Variants in FSHR observed in about 807,000 individuals in gnomAD.
FSHR encodes the protein follicle stimulating hormone receptor, also known as follicle-stimulating hormone receptor.
Under a neutral mutation model 52.1 loss-of-function variants are expected in FSHR, and 46 were observed. The ratio of observed to expected loss-of-function variants is 0.88; its 90% CI spans 0.70 to 1.13. The LOEUF (loss-of-function observed/expected upper bound fraction) is 1.13. FSHR is among the 50% of genes most tolerant of loss of function. The pLI is 0.00. For missense variants in FSHR, 964 were observed against 834.6 expected (o/e 1.16, Z -1.91); for synonymous variants, 399 against 309.6 (o/e 1.29, Z -3.03).
At chr2:49,018,882 C>T (rs1049396391) in intron 3 of FSHR, among the ~76,000 whole-genome samples, 4 of 152,148 alleles carry the variant, frequency 2.6e-5, no homozygotes, top group Admixed American at 6.5e-5. Flanking sequence ...TGTATCTGTT[C>T]CCTACTGATA....
chr2:49,127,915 C>T (rs577013206), intron 1 of FSHR, among the ~76,000 whole-genome samples: 45 of 81,302 alleles, frequency 5.5e-4, no homozygotes, highest in Admixed American at 1.0e-3. Context: ...TTTTTTGAGA[C>T]GGAGTCTTAC....
intron 1 of FSHR, among the ~76,000 whole-genome samples, chr2:49,090,875 G>T (rs1010341204): frequency 6.6e-6 from 1 of 152,036 alleles, no homozygotes; most frequent in Non-Finnish European, 1.5e-5. Flanking sequence ...CCTTAGTGCT[G>T]AGCATGTTTT....
chr2:49,089,890 C>T (rs901124661), intron 1 of FSHR, among the ~76,000 whole-genome samples: 2 of 152,112 alleles, frequency 1.3e-5, no homozygotes, highest in South Asian at 2.1e-4. Context: ...TTTCTAATCC[C>T]GAACTGTGTG....
intron 2 of FSHR, among the ~76,000 whole-genome samples, chr2:49,051,613 A>T (rs988589736): frequency 2.0e-5 from 3 of 151,894 alleles, no homozygotes; most frequent in African/African-American, 7.3e-5. Context: ...TGTATTGCAG[A>T]TATTTTCTCT....
At chr2:48,973,266 A>ACACACACACACGCACACG (rs146365090) in intron 8 of FSHR, among the ~76,000 whole-genome samples, 3 of 151,014 alleles carry the variant, frequency 2.0e-5, no homozygotes, top group African/African-American at 4.9e-5. Flanking sequence ...ACACACACAC[A>ACACACACACACGCACACG]CACATGCACA....
Position 49,079,167 on chromosome 2 carries a change from C to T in FSHR, c.153-10877G>A, listed in dbSNP as rs545607333. 1.4e-4 allele frequency among the ~76,000 whole-genome samples: 21 copies of T among 151,548 alleles called. No individual in the cohort carries two copies. In the South Asian group the frequency reaches 4.4e-3, roughly 32 times the overall value. On this transcript the variant is annotated intron_variant, in intron 1 of 9. Transcript: ENST00000406846. ...AGTTATACCATATCAAGAAATTAGT[C>T]TAAGAAAAAAACAGGCTCCAGGATT...
intron 2 of FSHR, among the ~76,000 whole-genome samples, chr2:49,044,188 C>G (rs1421536756): frequency 2.0e-5 from 3 of 152,114 alleles, no homozygotes; most frequent in African/African-American, 7.2e-5. Flanking sequence ...TTAGGAGCTA[C>G]TAGTAAGAAT....
intron 1 of FSHR, among the ~76,000 whole-genome samples, chr2:49,075,139 C>G (rs551233997): frequency 4.3e-4 from 66 of 152,076 alleles, no homozygotes; most frequent in African/African-American, 1.5e-3. Flanking sequence ...TGTAGGATGA[C>G]TATAGTTAAC....
intron 1 of FSHR, among the ~76,000 whole-genome samples, chr2:49,105,003 ACT>A (rs1671173211): frequency 6.6e-6 from 1 of 151,928 alleles, no homozygotes; most frequent in South Asian, 2.1e-4. Flanking sequence ...AACGAAAATA[ACT>A]CTTTTGAGTT....
At chr2:48,996,665 T>C (rs1676036532) in intron 4 of FSHR, among the ~76,000 whole-genome samples, 1 of 152,042 alleles carries the variant, frequency 6.6e-6, no homozygotes. Flanking sequence ...CAAAGGACAC[T>C]TGATTTTCAG....
chr2:49,119,316 G>A (rs536823763), intron 1 of FSHR, among the ~76,000 whole-genome samples: 10 of 152,234 alleles, frequency 6.6e-5, no homozygotes, highest in African/African-American at 2.2e-4. Context: ...ATATTGGTAA[G>A]CAGTGTTCGA....
chr2:49,009,364 C>T (rs1221620089), intron 4 of FSHR, among the ~76,000 whole-genome samples: 1 of 152,014 alleles, frequency 6.6e-6, no homozygotes, highest in African/African-American at 2.4e-5. Context: ...TCTGAGGGCT[C>T]TGTTCTGTTC....
At chr2:49,110,968 A>G (rs1194091033) in intron 1 of FSHR, among the ~76,000 whole-genome samples, 1 of 152,186 alleles carries the variant, frequency 6.6e-6, no homozygotes, top group African/African-American at 2.4e-5. Context: ...AGTGGTTAAT[A>G]AGGTTCTTCA....
At chr2:49,027,432 G>T (rs1192516253) in intron 2 of FSHR, among the ~76,000 whole-genome samples, 6 of 152,200 alleles carry the variant, frequency 3.9e-5, no homozygotes, top group Non-Finnish European at 8.8e-5. Context: ...ATAGTGAAGT[G>T]GAAGCTGGTA....
At chr2:49,027,850 CAAAA>C (rs397868435) in intron 2 of FSHR, among the ~76,000 whole-genome samples, 3 of 49,964 alleles carry the variant, frequency 6.0e-5, no homozygotes, top group Admixed American at 2.2e-4. Context: ...ACTCTTTCTC[CAAAA>C]AAAAAAAAAA....
At chr2:48,999,298 T>C (rs1676155886) in intron 4 of FSHR, among the ~76,000 whole-genome samples, 1 of 152,124 alleles carries the variant, frequency 6.6e-6, no homozygotes, top group South Asian at 2.1e-4. Context: ...CAGGTACCCT[T>C]ACCATCCTCA....
chr2:49,028,471 C>G (rs1214878300), intron 2 of FSHR, among the ~76,000 whole-genome samples: 1 of 152,166 alleles, frequency 6.6e-6, no homozygotes, highest in Non-Finnish European at 1.5e-5. Flanking sequence ...ATATGCATGA[C>G]ATTTATTTTA....
chr2:49,011,297 AT>A (rs1476893349), intron 4 of FSHR, among the ~76,000 whole-genome samples: 36 of 152,104 alleles, frequency 2.4e-4, no homozygotes, highest in Admixed American at 2.4e-3. Flanking sequence ...CCCACTAGTC[AT>A]TCAGGAGCAG....
At chr2:49,029,409 G>A (rs918843873) in intron 2 of FSHR, among the ~76,000 whole-genome samples, 1 of 152,156 alleles carries the variant, frequency 6.6e-6, no homozygotes, top group African/African-American at 2.4e-5. Flanking sequence ...AGCCTGAGAG[G>A]GTGTTAAGGT....
Sources: allele counts gnomAD v4.1 joint callset (sites outside exome capture counted in the v4.1 genomes callset), GRCh38; gene constraint gnomAD v4.1.1; transcripts MANE v1.5; gene names NCBI Gene and HGNC (gene_info 2026-07-23, HGNC 2026-07-21).